Variants in TACC2 observed in about 807,000 individuals in gnomAD.
The protein encoded by TACC2 is transforming acidic coiled-coil containing protein 2, also known as transforming acidic coiled-coil-containing protein 2.
TACC2 carries 137 observed loss-of-function variants against 227.3 expected under a neutral mutation model. The observed-to-expected ratio is 0.60, with a 90% CI of 0.52 to 0.69. The LOEUF (loss-of-function observed/expected upper bound fraction) is 0.69. Ranked by LOEUF, TACC2 falls within the 30% of genes least tolerant of loss-of-function variation. TACC2 has a pLI of 0.00. For missense variants in TACC2, 3,470 were observed against 3,694.4 expected, an observed-to-expected ratio of 0.94 and a Z score of 1.57; for synonymous variants, 1,523 against 1,487.5, an observed-to-expected ratio of 1.02 and a Z score of -0.55.
At chr10:122,219,951 TCGCTTGAA>T (rs2095491192) in intron 11 of TACC2, among the ~76,000 whole-genome samples, 1 of 151,044 alleles carries the variant, frequency 6.6e-6, no homozygotes, top group Admixed American at 6.6e-5. Context: ...GGCAGGAGAA[TCGCTTGAA>T]CCCAGGAGAC....
intron 18 of TACC2, among the ~76,000 whole-genome samples, chr10:122,238,462 T>C (rs1385236090): frequency 6.6e-6 from 1 of 152,218 alleles, no homozygotes; most frequent in Non-Finnish European, 1.5e-5. Flanking sequence ...AATTTATTTT[T>C]TTGAAACAGA....
At chr10:122,011,582 C>G (rs1201750333) in intron 1 of TACC2, among the ~76,000 whole-genome samples, 2 of 152,184 alleles carry the variant, frequency 1.3e-5, no homozygotes, top group Non-Finnish European at 2.9e-5. Context: ...CCCACCTCGG[C>G]CTCCCAAAGT....
intron 5 of TACC2, among the ~76,000 whole-genome samples, chr10:122,099,165 T>C (rs1214934757): frequency 6.6e-6 from 1 of 152,206 alleles, no homozygotes; most frequent in African/African-American, 2.4e-5. Flanking sequence ...TGAAAAGTCA[T>C]CTGGCCCTGC....
chr10:122,231,606 C>T (rs145681433), intron 16 of TACC2, among the ~76,000 whole-genome samples: 1 of 152,286 alleles, frequency 6.6e-6, no homozygotes, highest in Non-Finnish European at 1.5e-5. Context: ...ATCCGGGTCC[C>T]ATTTTACAGA....
At position 122,213,120 on chromosome 10, in the gene TACC2, C is replaced by A. The variant is rs74513773; in HGVS notation, c.7283+1412C>A. On this transcript the variant is annotated intron_variant, in intron 9 of 22. Coordinates refer to ENST00000369005, the MANE Select transcript of TACC2 (RefSeq NM_206862.4). ...AGACAGGGACTTTGGCGTGGAAGAC[C>A]CTGCGTGGGTCTGACAAAGCTCTTG... is the stretch of plus-strand genomic sequence containing the variant. Among the ~76,000 whole-genome samples, 636 of 152,280 alleles carry A rather than the reference C, an allele frequency of 4.2e-3. 4 individuals carry two copies. The highest frequency in any genetic ancestry group is 0.015 in the African/African-American group (617 of 41,552).
At chr10:122,140,522 G>C (rs921963678) in intron 6 of TACC2, among the ~76,000 whole-genome samples, 1 of 152,218 alleles carries the variant, frequency 6.6e-6, no homozygotes, top group Admixed American at 6.5e-5. Context: ...CTAGCTTTCC[G>C]CCAGAGGAAG....
chr10:122,053,768 T>C (rs1459735115), intron 3 of TACC2, among the ~76,000 whole-genome samples: 2 of 152,204 alleles, frequency 1.3e-5, no homozygotes, highest in South Asian at 2.1e-4. Context: ...CTCAGGCGCA[T>C]TGGCCTTGAG....
intron 7 of TACC2, among the ~76,000 whole-genome samples, chr10:122,186,862 CAA>C (rs773053205): frequency 6.6e-6 from 1 of 152,174 alleles, no homozygotes. Flanking sequence ...AGTTTAGCTA[CAA>C]AGAGATTTTG....
At chr10:122,041,894 A>G (rs1196106911) in intron 2 of TACC2, among the ~76,000 whole-genome samples, 2 of 152,346 alleles carry the variant, frequency 1.3e-5, no homozygotes, top group African/African-American at 2.4e-5. Context: ...GGCCAGATGC[A>G]TCTTCTGAAT....
intron 3 of TACC2, among the ~76,000 whole-genome samples, chr10:122,055,591 G>C (rs148037183): frequency 2.4e-4 from 36 of 152,314 alleles, no homozygotes; most frequent in African/African-American, 7.9e-4. Context: ...ACAGGATCAG[G>C]AATGATAACT....
At chr10:122,022,236 A>G (rs1205272614) in intron 2 of TACC2, 3 of 498,484 alleles carry the variant, frequency 6.0e-6, no homozygotes, top group Non-Finnish European at 1.1e-5. Context: ...CGCTAATTCT[A>G]CTTATTATTT....
At chr10:122,162,132 C>A (rs1372756373) in intron 7 of TACC2, among the ~76,000 whole-genome samples, 2 of 152,140 alleles carry the variant, frequency 1.3e-5, no homozygotes, top group Non-Finnish European at 2.9e-5. Flanking sequence ...CAAAAGTAAA[C>A]CTTCTCAGTG....
intron 1 of TACC2, among the ~76,000 whole-genome samples, chr10:122,003,734 C>T (rs558588627): frequency 7.3e-4 from 111 of 151,958 alleles, no homozygotes; most frequent in African/African-American, 2.2e-3. Context: ...GGGCTCACTG[C>T]GAGCTCTGCC....
intron 8 of TACC2, among the ~76,000 whole-genome samples, chr10:122,202,764 G>C (rs1404653808): frequency 6.7e-6 from 1 of 150,198 alleles, no homozygotes. Context: ...AGATAAACAA[G>C]TGAACAAAGG....
At chr10:122,171,156 G>A (rs1480011561) in intron 7 of TACC2, among the ~76,000 whole-genome samples, 5 of 152,118 alleles carry the variant, frequency 3.3e-5, no homozygotes, top group African/African-American at 4.8e-5. Flanking sequence ...CAATAAATCC[G>A]GTGGGGGTGG....
At chr10:122,136,210 G>T (rs115891618) in intron 6 of TACC2, among the ~76,000 whole-genome samples, 1 of 152,146 alleles carries the variant, frequency 6.6e-6, no homozygotes, top group Non-Finnish European at 1.5e-5. Context: ...GGTTCATGGC[G>T]ACTTGGTAGA....
Position 122,150,090 on chromosome 10 carries a change from C to G in TACC2, c.5834+6384C>G, listed in dbSNP as rs2139448438. On this transcript the variant is annotated intron_variant, in intron 7 of 22. Transcript: ENST00000369005. The surrounding 1 kb of genome is among the most constrained non-coding windows in gnomAD (Gnocchi z 4.0). ...ATGGTGGCTCCCTCAGTTCCGTGGGCCCAGGTCTGCAGTTCTTTTCCTCCT... is the reference window on the plus strand; with the variant it reads ...ATGGTGGCTCCCTCAGTTCCGTGGGGCCAGGTCTGCAGTTCTTTTCCTCCT... Among the ~76,000 whole-genome samples the G allele has an allele frequency of 1.3e-5, 2 of 152,262 alleles. No individual in the cohort carries two copies. Among genetic ancestry groups the G allele is most frequent in the African/African-American group, 4.8e-5 (2 of 41,562 alleles).
intron 5 of TACC2, among the ~76,000 whole-genome samples, chr10:122,128,802 A>G (rs1209605434): frequency 2.0e-5 from 3 of 152,184 alleles, no homozygotes; most frequent in African/African-American, 7.2e-5. Flanking sequence ...TTCACCACCG[A>G]AAGAGAATTA....
intron 7 of TACC2, among the ~76,000 whole-genome samples, chr10:122,182,850 A>C (rs2094017546): frequency 6.6e-6 from 1 of 152,182 alleles, no homozygotes; most frequent in African/African-American, 2.4e-5. Context: ...AGTCAGAGGC[A>C]GGTTCAAAGA....
Sources: allele counts gnomAD v4.1 joint callset (sites outside exome capture counted in the v4.1 genomes callset), GRCh38; gene constraint gnomAD v4.1.1; non-coding constraint Gnocchi (gnomAD v3.1); transcripts MANE v1.5; gene names NCBI Gene and HGNC (gene_info 2026-07-23, HGNC 2026-07-21).